SDK1: variants seen among roughly 807,000 people sequenced by gnomAD.
SDK1 encodes the protein sidekick cell adhesion molecule 1.
Under a neutral mutation model 245.5 loss-of-function variants are expected in SDK1, and 157 were observed. The observed-to-expected ratio is 0.64, with a 90% CI of 0.56 to 0.73. The LOEUF (loss-of-function observed/expected upper bound fraction) is 0.73. Among genes scored for constraint, SDK1 ranks in the 30% least tolerant of loss-of-function variants. The pLI is 0.00. For synonymous variants in SDK1, 1,647 were observed against 1,278.5 expected (o/e 1.29, Z -6.15); for missense variants, 3,583 against 3,002.3 (o/e 1.19, Z -4.52).
intron 4 of SDK1, among the ~76,000 whole-genome samples, chr7:3,779,807 C>G (rs1033671407): frequency 6.6e-6 from 1 of 151,970 alleles, no homozygotes; most frequent in Non-Finnish European, 1.5e-5. Flanking sequence ...TGGCGGGCGC[C>G]TGTAGTCCCA....
chr7:4,064,973 A>G (rs1779774796), intron 19 of SDK1, among the ~76,000 whole-genome samples: 3 of 152,164 alleles, frequency 2.0e-5, no homozygotes, highest in Non-Finnish European at 4.4e-5. Flanking sequence ...AGTTAAACAG[A>G]AGGAGTAAGT....
chr7:3,817,334 G>A (rs1005781821), intron 4 of SDK1, among the ~76,000 whole-genome samples: 2 of 152,130 alleles, frequency 1.3e-5, no homozygotes, highest in Admixed American at 6.5e-5. Context: ...ACACCCAATC[G>A]AAGCTCTATG....
At chr7:4,046,962 A>G (rs553851884) in intron 17 of SDK1, among the ~76,000 whole-genome samples, 9 of 152,240 alleles carry the variant, frequency 5.9e-5, no homozygotes, top group African/African-American at 9.6e-5. Flanking sequence ...TTTTCTTCCA[A>G]TGCACCCATG....
intron 30 of SDK1, among the ~76,000 whole-genome samples, chr7:4,152,451 C>T (rs1048799559): frequency 5.3e-5 from 8 of 152,306 alleles, no homozygotes; most frequent in African/African-American, 1.9e-4. Flanking sequence ...TATAAATAAC[C>T]TCACCCTTTG....
At chr7:3,588,166 A>G (rs1265117891) in intron 1 of SDK1, among the ~76,000 whole-genome samples, 3 of 152,226 alleles carry the variant, frequency 2.0e-5, no homozygotes, top group Non-Finnish European at 2.9e-5. Flanking sequence ...GTGACTTATT[A>G]TAATCTGATT....
chr7:4,008,355 A>G (rs1437146908), intron 14 of SDK1, among the ~76,000 whole-genome samples: 2 of 152,250 alleles, frequency 1.3e-5, no homozygotes, highest in East Asian at 3.9e-4. Context: ...CACGAACAAA[A>G]GATTCTTAGC....
intron 1 of SDK1, among the ~76,000 whole-genome samples, chr7:3,483,699 C>A (rs528492555): frequency 6.6e-6 from 1 of 152,132 alleles, no homozygotes; most frequent in South Asian, 2.1e-4. Flanking sequence ...TACCTTTTAT[C>A]AGAATTTGCT....
chr7:3,462,648 C>G (rs932712810), intron 1 of SDK1, among the ~76,000 whole-genome samples: 11 of 152,132 alleles, frequency 7.2e-5, no homozygotes, highest in African/African-American at 2.7e-4. Flanking sequence ...GTACCATAAA[C>G]TTTGATGCCT....
At chr7:4,189,563 C>A (rs955486641) in intron 35 of SDK1, among the ~76,000 whole-genome samples, 1 of 152,140 alleles carries the variant, frequency 6.6e-6, no homozygotes, top group Non-Finnish European at 1.5e-5. Flanking sequence ...TAAAATCACT[C>A]GGCCGGCCAG....
At chr7:4,202,616 C>T (rs917217793) in intron 35 of SDK1, among the ~76,000 whole-genome samples, 2 of 152,194 alleles carry the variant, frequency 1.3e-5, no homozygotes, top group African/African-American at 4.8e-5. Flanking sequence ...GCCTGGCGGA[C>T]GGTGAATGTT....
At chr7:4,074,586 C>G (rs926650332) in intron 20 of SDK1, among the ~76,000 whole-genome samples, 1 of 151,886 alleles carries the variant, frequency 6.6e-6, no homozygotes, top group African/African-American at 2.4e-5. Flanking sequence ...CCAGGCTGGG[C>G]GTGGTGGCTG....
chr7:3,814,470 G>A (rs62437948), intron 4 of SDK1, among the ~76,000 whole-genome samples: 5,585 of 151,462 alleles, frequency 0.037, 122 homozygotes, highest in Non-Finnish European at 0.05. Context: ...CCGTTGATCT[G>A]TATCTCTGTT....
chr7:3,423,089 C>T (rs1779576848), intron 1 of SDK1, among the ~76,000 whole-genome samples: 1 of 152,086 alleles, frequency 6.6e-6, no homozygotes, highest in Admixed American at 6.5e-5. Context: ...AGGGAATAAT[C>T]CTAATCAAGA....
At chr7:3,553,945 G>C (rs150547611) in intron 1 of SDK1, among the ~76,000 whole-genome samples, 2 of 152,182 alleles carry the variant, frequency 1.3e-5, no homozygotes, top group East Asian at 1.9e-4. Flanking sequence ...CAAATGAAGC[G>C]GGCACAAAGA....
At chr7:4,187,458 C>T (rs1249559130) in intron 35 of SDK1, among the ~76,000 whole-genome samples, 1 of 152,192 alleles carries the variant, frequency 6.6e-6, no homozygotes, top group Non-Finnish European at 1.5e-5. Context: ...CTAATTGACA[C>T]CCTGCAGCGG....
At chr7:4,009,028 C>T (rs760611188) in intron 14 of SDK1, among the ~76,000 whole-genome samples, 9 of 152,152 alleles carry the variant, frequency 5.9e-5, no homozygotes, top group East Asian at 1.9e-4. Context: ...CGAAATGGGG[C>T]GGAATTTCTT....
At chr7:4,151,631 G>A (rs1363964409) in intron 30 of SDK1, among the ~76,000 whole-genome samples, 3 of 152,036 alleles carry the variant, frequency 2.0e-5, no homozygotes, top group Non-Finnish European at 2.9e-5. Flanking sequence ...CACCACCACC[G>A]CCATCCTCGT....
chr7:3,641,240 A>G (rs1033280100), intron 3 of SDK1, among the ~76,000 whole-genome samples: 5 of 152,162 alleles, frequency 3.3e-5, no homozygotes, highest in Non-Finnish European at 5.9e-5. Context: ...GTTTGTATAT[A>G]TATTTACATC....
chr7:4,151,101 C>A (rs1264674015), intron 30 of SDK1, among the ~76,000 whole-genome samples: 1 of 152,188 alleles, frequency 6.6e-6, no homozygotes, highest in Non-Finnish European at 1.5e-5. Context: ...CACAGTGTCC[C>A]CAGGAGGCAC....
Sources: gnomAD v4.1 joint callset for allele counts (sites outside exome capture counted in the v4.1 genomes callset) on GRCh38, gnomAD v4.1.1 for gene constraint, MANE v1.5 for transcripts, NCBI Gene and HGNC (gene_info 2026-07-23, HGNC 2026-07-21) for gene names.